FLRT1: variants seen among roughly 807,000 people sequenced by gnomAD.
The protein encoded by FLRT1 is leucine-rich repeat transmembrane protein FLRT1.
In FLRT1, 14 loss-of-function variants were observed where a neutral mutation model predicts 30.9. The observed-to-expected ratio is 0.45, with a 90% confidence interval of 0.30 to 0.71. The LOEUF is 0.71. FLRT1 is among the 30% of genes least tolerant of loss of function. The pLI, the probability that FLRT1 is intolerant of heterozygous loss-of-function variation, is 0.08. For missense variants in FLRT1, 737 were observed against 949.2 expected (o/e 0.78, Z 2.94); for synonymous variants, 368 against 430.4 (o/e 0.85, Z 1.80).
chr11:64,109,512 G>A (rs1308413426), intron 2 of FLRT1, among the ~76,000 whole-genome samples: 1 of 152,186 alleles, frequency 6.6e-6, no homozygotes, highest in African/African-American at 2.4e-5. Context: ...GGGTGGAAAG[G>A]GGAGGGACAG....
At chr11:64,054,090 T>G (rs1167166086) in intron 1 of FLRT1, among the ~76,000 whole-genome samples, 1 of 151,984 alleles carries the variant, frequency 6.6e-6, no homozygotes, top group Non-Finnish European at 1.5e-5. Context: ...CGAATGGGGA[T>G]GAGGATCCCA....
chr11:64,058,481 T>G (rs547120110), intron 1 of FLRT1, among the ~76,000 whole-genome samples: 34 of 152,326 alleles, frequency 2.2e-4, no homozygotes, highest in African/African-American at 7.9e-4. Context: ...GAAGAGCAGG[T>G]CAGGCCTTTT....
At chr11:64,113,871 CATGGATGG>C (rs202172057) in intron 2 of FLRT1, among the ~76,000 whole-genome samples, 30 of 77,802 alleles carry the variant, frequency 3.9e-4, no homozygotes, top group Admixed American at 1.0e-3. Flanking sequence ...TGGATTGATA[CATGGATGG>C]ATGGATGGAT....
chr11:64,069,620 C>T (rs1323784386), intron 1 of FLRT1, among the ~76,000 whole-genome samples: 1 of 152,038 alleles, frequency 6.6e-6, no homozygotes, highest in East Asian at 1.9e-4. Flanking sequence ...CTGATGCCTC[C>T]TGCAGTGGCC....
chr11:64,109,346 G>A (rs140720407), intron 2 of FLRT1, among the ~76,000 whole-genome samples: 301 of 152,292 alleles, frequency 2.0e-3, no homozygotes, highest in Middle Eastern at 6.8e-3. Context: ...AGGCTTTGCA[G>A]TTGGGTGTAG....
At chr11:64,060,027 C>T (rs1481148376) in intron 1 of FLRT1, among the ~76,000 whole-genome samples, 1 of 152,184 alleles carries the variant, frequency 6.6e-6, no homozygotes, top group South Asian at 2.1e-4. Context: ...CCCTCCCACA[C>T]GGCAGGGGGG....
Position 64,091,421 on chromosome 11 carries a change from C to T in FLRT1, c.-1037-11773C>T, listed in dbSNP as rs566223218. Reference sequence around the variant, plus strand: ...GAGGTTGGGGGGCGGGTGGCACCACCGCAGCTTTTGCCCCAGGGCTGCACT... The same window carrying T: ...GAGGTTGGGGGGCGGGTGGCACCACTGCAGCTTTTGCCCCAGGGCTGCACT... On this transcript the variant is annotated intron_variant, in intron 1 of 2. Transcript: ENST00000682287. 4.2e-4 allele frequency among the ~76,000 whole-genome samples: 62 copies of T among 149,258 alleles called. 1 individual carries two copies. The East Asian group carries it at 1.0e-2, about 24-fold the overall frequency.
At chr11:64,099,191 C>T (rs961928812) in intron 1 of FLRT1, among the ~76,000 whole-genome samples, 8 of 152,212 alleles carry the variant, frequency 5.3e-5, no homozygotes, top group African/African-American at 1.2e-4. Flanking sequence ...CACAGCACAG[C>T]GTCATCTTCT....
At chr11:64,112,056 C>A (rs1356939141) in intron 2 of FLRT1, among the ~76,000 whole-genome samples, 1 of 152,222 alleles carries the variant, frequency 6.6e-6, no homozygotes, top group Non-Finnish European at 1.5e-5. Context: ...GCCAGGGGAC[C>A]ATGGACAGGT....
chr11:64,069,617 CT>C (rs1277340611), intron 1 of FLRT1, among the ~76,000 whole-genome samples: 1 of 152,148 alleles, frequency 6.6e-6, no homozygotes, highest in Non-Finnish European at 1.5e-5. Flanking sequence ...CTGCTGATGC[CT>C]CCTGCAGTGG....
At chr11:64,052,734 C>T (rs1943717084) in intron 1 of FLRT1, among the ~76,000 whole-genome samples, 1 of 152,216 alleles carries the variant, frequency 6.6e-6, no homozygotes, top group South Asian at 2.1e-4. Flanking sequence ...AACCTCCCAG[C>T]TTCTAGGGGT....
chr11:64,091,447 G>A (rs1247192464), intron 1 of FLRT1, among the ~76,000 whole-genome samples: 1 of 151,694 alleles, frequency 6.6e-6, no homozygotes, highest in Non-Finnish European at 1.5e-5. Context: ...GGGCTGCACT[G>A]GTGCCAGGGA....
At chr11:64,104,223 G>C (rs931550657) in intron 2 of FLRT1, 42 bp downstream of exon 2, 8 of 152,382 alleles carry the variant, frequency 5.2e-5, no homozygotes, top group Non-Finnish European at 1.5e-5. Context: ...GAATTCAGAA[G>C]GGCTCCAGGG....
Position 64,090,226 on chromosome 11 carries a change from G to T in FLRT1, c.-1037-12968G>T, listed in dbSNP as rs1944465428. Among the ~76,000 whole-genome samples, 1 of 152,202 alleles carries T rather than the reference G, an allele frequency of 6.6e-6. No individual in the cohort carries two copies. Among genetic ancestry groups the T allele is most frequent in the Non-Finnish European group, 1.5e-5 (1 of 68,038 alleles). On this transcript the variant is annotated intron_variant, in intron 1 of 2. Coordinates refer to ENST00000682287, the MANE Select transcript of FLRT1 (RefSeq NM_013280.5). The surrounding 1 kb of genome is among the most constrained non-coding windows in gnomAD (Gnocchi z 4.7). Reference sequence around the variant, plus strand: ...CACAGGGTGACAGGGTGTGGGAAAGGCCAACGGGCGTGTGGGTCTCCAGCC... The same window carrying T: ...CACAGGGTGACAGGGTGTGGGAAAGTCCAACGGGCGTGTGGGTCTCCAGCC...
At chr11:64,061,577 GC>G (rs1280210049) in intron 1 of FLRT1, among the ~76,000 whole-genome samples, 1 of 152,198 alleles carries the variant, frequency 6.6e-6, no homozygotes, top group Non-Finnish European at 1.5e-5. Context: ...CCCATTTGCT[GC>G]ATTGGGTTAT....
chr11:64,048,322 G>T (rs921362482), intron 1 of FLRT1, among the ~76,000 whole-genome samples: 4 of 152,230 alleles, frequency 2.6e-5, no homozygotes, highest in African/African-American at 9.6e-5. Context: ...CCCAGCCTTT[G>T]TGCCAGTGCA....
intron 1 of FLRT1, among the ~76,000 whole-genome samples, chr11:64,052,923 C>A (rs1238753953): frequency 6.6e-6 from 1 of 152,218 alleles, no homozygotes; most frequent in Non-Finnish European, 1.5e-5. Context: ...ACAGTATGGC[C>A]AGGCTTGGCC....
At chr11:64,065,108 T>C (rs1943972785) in intron 1 of FLRT1, among the ~76,000 whole-genome samples, 1 of 152,108 alleles carries the variant, frequency 6.6e-6, no homozygotes, top group Non-Finnish European at 1.5e-5. Context: ...CGGAGAGACT[T>C]CCCAGAGGAG....
chr11:64,095,686 C>T (rs1199087932), intron 1 of FLRT1, among the ~76,000 whole-genome samples: 2 of 152,178 alleles, frequency 1.3e-5, no homozygotes, highest in Admixed American at 6.5e-5. Flanking sequence ...CAGCTCACAG[C>T]GGAGGTCTGA....
Sources: allele counts gnomAD v4.1 joint callset (sites outside exome capture counted in the v4.1 genomes callset), GRCh38; gene constraint gnomAD v4.1.1; non-coding constraint Gnocchi (gnomAD v3.1); transcripts MANE v1.5; gene names NCBI Gene and HGNC (gene_info 2026-07-23, HGNC 2026-07-21).